Variants in AP3S2 observed in about 807,000 individuals in gnomAD.
AP3S2 encodes the protein AP-3 complex subunit sigma-2.
Under a neutral mutation model 23.4 loss-of-function variants are expected in AP3S2, and 22 were observed. The observed-to-expected ratio is 0.94, with a 90% CI of 0.67 to 1.34. The LOEUF (loss-of-function observed/expected upper bound fraction) is 1.34. Among genes scored for constraint, AP3S2 ranks in the 40% most tolerant of loss-of-function variants. The pLI, the probability that AP3S2 is intolerant of heterozygous loss-of-function variation, is 0.00. For missense variants in AP3S2, 241 were observed against 236.9 expected (o/e 1.02, Z -0.11); for synonymous variants, 86 against 87.1 (o/e 0.99, Z 0.07).
intron 3 of AP3S2, among the ~76,000 whole-genome samples, chr15:89,884,191 A>G (rs954537521): frequency 1.3e-5 from 2 of 152,296 alleles, no homozygotes; most frequent in African/African-American, 4.8e-5. Flanking sequence ...TGTATTTAAT[A>G]TAATTTGTAT....
intron 3 of AP3S2, among the ~76,000 whole-genome samples, chr15:89,873,322 T>C (rs1366879682): frequency 6.6e-6 from 1 of 151,546 alleles, no homozygotes; most frequent in African/African-American, 2.4e-5. Flanking sequence ...TCTCGCTCTG[T>C]TGTCCACGCT....
intron 4 of AP3S2, among the ~76,000 whole-genome samples, chr15:89,838,292 G>A (rs771976562): frequency 7.9e-5 from 12 of 152,224 alleles, no homozygotes; most frequent in Non-Finnish European, 1.5e-4. Flanking sequence ...CTGAAGGGAC[G>A]TGATCAGAGC....
intron 3 of AP3S2, among the ~76,000 whole-genome samples, chr15:89,875,042 AAATT>A (rs1219657537): frequency 5.9e-5 from 9 of 152,236 alleles, no homozygotes; most frequent in Non-Finnish European, 1.3e-4. Flanking sequence ...GTAAAAAAAT[AAATT>A]AAAAAAGCAA....
At chr15:89,890,578 A>T (rs1457237066) in intron 1 of AP3S2, among the ~76,000 whole-genome samples, 1 of 152,188 alleles carries the variant, frequency 6.6e-6, no homozygotes, top group Non-Finnish European at 1.5e-5. Flanking sequence ...TAAAATACAG[A>T]TTCGGATTTA....
chr15:89,859,357 C>T (rs1422243401), intron 4 of AP3S2, among the ~76,000 whole-genome samples: 6 of 122,876 alleles, frequency 4.9e-5, no homozygotes, highest in African/African-American at 1.4e-4. Context: ...TCCTTCTTTC[C>T]TTCCTTTCCT....
intron 4 of AP3S2, among the ~76,000 whole-genome samples, chr15:89,851,151 A>T (rs920087413): frequency 1.1e-4 from 16 of 152,338 alleles, no homozygotes; most frequent in Admixed American, 9.8e-4. Context: ...AAGATTAAAC[A>T]TGTACAGAAT....
At position 89,860,482 on chromosome 15, in the gene AP3S2, C is replaced by T. The variant is rs573316852; in HGVS notation, c.345+10993G>A. Among the ~76,000 whole-genome samples the T allele has an allele frequency of 1.3e-4, 20 of 152,198 alleles. No individual in the cohort carries two copies. The East Asian group carries it at 3.9e-3, about 29-fold the overall frequency. On this transcript the variant is annotated intron_variant, in intron 4 of 5. Transcript: ENST00000336418. ...GGATACAATGGATGAGGGGATGATT[C>T]CCATCCTGGAGCAGGACAGAGCAAC... is the stretch of plus-strand genomic sequence containing the variant.
At chr15:89,857,949 T>C (rs1313162276) in intron 4 of AP3S2, among the ~76,000 whole-genome samples, 1 of 152,120 alleles carries the variant, frequency 6.6e-6, no homozygotes, top group Admixed American at 6.5e-5. Context: ...TAGAAGCATA[T>C]GTTGAGGAGA....
chr15:89,877,848 C>T (rs1195499741), intron 3 of AP3S2, among the ~76,000 whole-genome samples: 1 of 151,960 alleles, frequency 6.6e-6, no homozygotes, highest in Non-Finnish European at 1.5e-5. Context: ...AATGCTATTC[C>T]CATTTGCATT....
At chr15:89,883,265 T>C (rs1896614166) in intron 3 of AP3S2, among the ~76,000 whole-genome samples, 1 of 152,212 alleles carries the variant, frequency 6.6e-6, no homozygotes, top group Non-Finnish European at 1.5e-5. Flanking sequence ...AAAAATATTT[T>C]CTATGTCCAT....
chr15:89,838,056 G>A, intron 4 of AP3S2: 1 of 273,140 alleles, frequency 3.7e-6, no homozygotes, highest in South Asian at 4.0e-5. Context: ...CTCCTTCCAG[G>A]ATTGCAGTGA....
At chr15:89,864,773 C>A (rs1012004205) in intron 4 of AP3S2, among the ~76,000 whole-genome samples, 1 of 152,018 alleles carries the variant, frequency 6.6e-6, no homozygotes, top group African/African-American at 2.4e-5. Context: ...AACTCCTGAC[C>A]TAAGTTGACC....
chr15:89,844,225 TTCTTTCTTTCTTTC>T (rs1445308531), intron 4 of AP3S2, among the ~76,000 whole-genome samples: 1 of 36,570 alleles, frequency 2.7e-5, no homozygotes, highest in Non-Finnish European at 5.7e-5. Flanking sequence ...CTTTCTTTCT[TTCTTTCTTTCTTTC>T]TTTCTTTCTT....
chr15:89,861,761 G>C (rs1255535745), intron 4 of AP3S2, among the ~76,000 whole-genome samples: 2 of 151,996 alleles, frequency 1.3e-5, no homozygotes, highest in African/African-American at 4.8e-5. Flanking sequence ...GGAATACAAA[G>C]ATAAGGCAGT....
intron 4 of AP3S2, among the ~76,000 whole-genome samples, chr15:89,863,021 T>G (rs1896040170): frequency 6.6e-6 from 1 of 152,012 alleles, no homozygotes; most frequent in African/African-American, 2.4e-5. Context: ...CATAACTTCC[T>G]GATAGAGTGG....
At chr15:89,837,555 T>C (rs1486317833) in intron 5 of AP3S2, 60 bp downstream of exon 5, 2 of 1,601,118 alleles carry the variant, frequency 1.2e-6, no homozygotes, top group Non-Finnish European at 1.7e-6. Context: ...ATGTACACAC[T>C]CCTGCCTCTG....
At chr15:89,891,550 T>C (rs1031569853) in intron 1 of AP3S2, among the ~76,000 whole-genome samples, 10 of 151,354 alleles carry the variant, frequency 6.6e-5, no homozygotes, top group African/African-American at 2.4e-4. Flanking sequence ...TCCTAGCTAC[T>C]CAGGAGACTG....
intron 1 of AP3S2, chr15:89,893,425 C>G (rs1040432135): frequency 3.5e-6 from 1 of 283,742 alleles, no homozygotes; most frequent in South Asian, 1.5e-4. Context: ...AAGTCCCAGC[C>G]AACACTGAAG....
At chr15:89,852,644 T>C (rs558875241) in intron 4 of AP3S2, 1 of 152,222 alleles carries the variant, frequency 6.6e-6, no homozygotes, top group East Asian at 1.9e-4. Flanking sequence ...GGCAACCACA[T>C]AGGCAGGCAG....
Sources: allele counts gnomAD v4.1 joint callset (sites outside exome capture counted in the v4.1 genomes callset), GRCh38; gene constraint gnomAD v4.1.1; transcripts MANE v1.5; gene names NCBI Gene and HGNC (gene_info 2026-07-23, HGNC 2026-07-21).